AOC2: variants seen among roughly 807,000 people sequenced by gnomAD.
The protein encoded by AOC2 is amine oxidase [copper-containing] 2.
AOC2 carries 57 observed loss-of-function variants against 53.8 expected under a neutral mutation model. That is an observed-to-expected ratio of 1.06 (90% confidence interval 0.86 to 1.32). The LOEUF is 1.32. Among genes scored for constraint, AOC2 ranks in the 40% most tolerant of loss-of-function variants. The pLI is 0.00. For synonymous variants in AOC2, 404 were observed against 399.0 expected (o/e 1.01, Z -0.15); for missense variants, 1,008 against 957.2 (o/e 1.05, Z -0.70).
Position 42,849,301 on chromosome 17 carries a change from C to A in AOC2, c.1804C>A (p.Gln602Lys). ...GGGTCACCAGCGCGGGTACCGAATC[C>A]AGATCCACAGCCCCCTTGGCATACA... ...AWGHQRGYRIQIHSPLGIHIP... is the reference protein window; with the variant it reads ...AWGHQRGYRIKIHSPLGIHIP... The change falls in exon 2 of 4, where the codon CAG becomes AAG. Residue 602 changes from glutamine (Q) to lysine (K), a missense_variant. By Grantham distance (53) the Gln-to-Lys change is moderately conservative. Coordinates refer to ENST00000253799, the MANE Select transcript of AOC2 (RefSeq NM_009590.4). 1 of 1,614,220 alleles carries A rather than the reference C, an allele frequency of 6.2e-7. No homozygotes were observed. Among genetic ancestry groups the A allele is most frequent in the Non-Finnish European group, 8.5e-7 (1 of 1,180,028 alleles).
rs1298715447 is a variant in AOC2 at position 42,849,023 on chromosome 17, C to G, written c.1589-63C>G. On this transcript the variant is annotated intron_variant, in intron 1 of 3. Transcript: ENST00000253799. ...AGTGCAGTGGACATCATGGGGAAGA[C>G]AGGGACCTGGCCCAGAGACCTTACC... 11 of 1,504,298 alleles carry G rather than the reference C, an allele frequency of 7.3e-6. No individual in the cohort carries two copies. In the Admixed American group the frequency reaches 2.2e-4, roughly 30 times the overall value. The allele number at this position is 1,504,298 out of a possible 1,614,324, so 93.2% of individuals were successfully genotyped here. A position where few individuals can be genotyped will look rare whatever the true frequency, so the allele number is the denominator to read the frequency against.
chr17:42,845,116 C>A lies in AOC2; in HGVS notation c.490C>A (p.Arg164Ser), dbSNP rs939933467. ...TCACGGCGGGCCCCTGCCCTATCAC[C>A]GTCGCCCGGTGCTGAGAGCTGAGTT... Reference protein sequence around the residue: ...ERHGGPLPYHRRPVLRAEFTQ... With the variant: ...ERHGGPLPYHSRPVLRAEFTQ... The change falls in exon 1 of 4, where the codon CGT becomes AGT. Residue 164 changes from arginine to serine, a missense_variant. Arg to Ser is a moderately radical substitution (Grantham distance 110). Coordinates refer to ENST00000253799, the MANE Select transcript of AOC2 (RefSeq NM_009590.4). The A allele has an allele frequency of 6.2e-7, 1 of 1,613,682 alleles. No individual in the cohort carries two copies. Among genetic ancestry groups the A allele is most frequent in the Non-Finnish European group, 8.5e-7 (1 of 1,180,030 alleles).
intron 1 of AOC2, among the ~76,000 whole-genome samples, chr17:42,847,741 C>G (rs550714454): frequency 1.7e-3 from 265 of 151,846 alleles, no homozygotes; most frequent in African/African-American, 6.1e-3. Context: ...GCCTCAGCCT[C>G]CTTAGTAGCT....
In AOC2 at chr17:42,845,438, T is replaced by G. The variant is rs780244268; in HGVS notation, c.812T>G (p.Leu271Trp). The part of the protein sequence containing the change: ...LGHYYADLGQ[L>W]EREFKSGRLE... ...CACTACTATGCAGACTTGGGCCAGT[T>G]GGAACGGGAGTTTAAGTCTGGCCGG... The change falls in exon 1 of 4, where the codon TTG becomes TGG. Residue 271 changes from leucine to tryptophan, a missense_variant. Physicochemically the swap from Leu to Trp is moderately conservative, Grantham distance 61. Transcript: ENST00000253799. 7.4e-6 allele frequency: 12 copies of G among 1,614,170 alleles called. No individual in the cohort carries two copies. The East Asian group carries it at 2.5e-4, about 33-fold the overall frequency.
Position 42,845,444 on chromosome 17 carries a change from G to C in AOC2, c.818G>C (p.Arg273Pro). Residue 273 changes from arginine to proline, a missense_variant, in exon 1 of 4, where the codon CGG becomes CCG. Transcript: ENST00000253799. ...HYYADLGQLE[R>P]EFKSGRLEVV... ...TATGCAGACTTGGGCCAGTTGGAAC[G>C]GGAGTTTAAGTCTGGCCGGTTGGAA... The C allele has an allele frequency of 6.2e-7, 1 of 1,614,146 alleles. No individual in the cohort carries two copies. The highest frequency in any genetic ancestry group is 8.5e-7 in the Non-Finnish European group (1 of 1,180,032).
intron 1 of AOC2, 83 bp downstream of exon 1, chr17:42,846,297 A>AG (rs751217603): frequency 3.0e-5 from 43 of 1,433,514 alleles, no homozygotes; most frequent in Non-Finnish European, 3.8e-5. Flanking sequence ...TCCCAGGTCA[A>AG]GCTGAAATAA....
Position 42,844,744 on chromosome 17 carries a change from G to C in AOC2, c.118G>C (p.Val40Leu), listed in dbSNP as rs1458705447. Residue 40 changes from valine to leucine, a missense_variant, in exon 1 of 4, where the codon GTA becomes CTA. By Grantham distance (32) the Val-to-Leu change is conservative (BLOSUM62 1). Coordinates refer to ENST00000253799, the MANE Select transcript of AOC2 (RefSeq NM_009590.4). ...CAGCCAGCCTCCCCACTGCCCCTCT[G>C]TATCCCATAGGGCCCAGCCCTGGCC... ...GSSQPPHCPS[V>L]SHRAQPWPHP... 3 of 1,614,082 alleles carry C rather than the reference G, an allele frequency of 1.9e-6. No individual in the cohort carries two copies. In the African/African-American group the frequency reaches 4.0e-5, roughly 22 times the overall value.
Position 42,845,563 on chromosome 17 carries a change from C to T in AOC2, c.937C>T (p.Gln313Ter). The T allele has an allele frequency of 6.2e-7, 1 of 1,614,204 alleles. No individual in the cohort carries two copies. The change falls in exon 1 of 4, where the codon CAG (glutamine) becomes TAG (stop). Residue 313 changes from glutamine (Q) to a stop codon, truncating the protein, a stop_gained. Transcript: ENST00000253799. LOFTEE classifies it high-confidence loss of function. ...TCTTCCCCCTCTTCAGTTCTCGCCC[C>T]AGGGTTCCCAGTACAGTGTGCAAGG... ...GPLPPLQFSP[Q>*]GSQYSVQGNL...
intron 1 of AOC2, among the ~76,000 whole-genome samples, chr17:42,846,466 A>G (rs1169841038): frequency 3.9e-5 from 6 of 152,190 alleles, no homozygotes; most frequent in Non-Finnish European, 4.4e-5. Context: ...ACTTGCTATG[A>G]TTGTGAAACT....
In AOC2 at chr17:42,849,653, A is replaced by G. The variant is rs147322730; in HGVS notation, c.1927A>G (p.Ile643Val). 2.4e-5 allele frequency: 38 copies of G among 1,614,120 alleles called. No homozygotes were observed. Among genetic ancestry groups the G allele is most frequent in the Non-Finnish European group, 3.1e-5 (36 of 1,180,050 alleles). Residue 643 changes from isoleucine to valine, a missense_variant, in exon 3 of 4, where the codon ATC (isoleucine) becomes GTC (valine). Coordinates refer to ENST00000253799, the MANE Select transcript of AOC2 (RefSeq NM_009590.4). ...GGAGGAGGAGTCACAGAGCAGTAGC[A>G]TCTATCACCAGAATGACATCTGGAC... The part of the protein sequence containing the change: ...RKEEESQSSS[I>V]YHQNDIWTPT...
chr17:42,848,546 C>CACGTATATATATATATATATATACGT (rs1555552834), intron 1 of AOC2, among the ~76,000 whole-genome samples: 1 of 117,694 alleles, frequency 8.5e-6, no homozygotes, highest in African/African-American at 3.9e-5. Context: ...TATATATATA[C>CACGTATATATATATATATATATACGT]ATATATATAT....
In AOC2 at chr17:42,850,386, T is replaced by C. The variant is rs756672081; in HGVS notation, c.*38T>C. On this transcript the variant is annotated 3_prime_UTR_variant, in exon 4 of 4. Coordinates refer to ENST00000253799, the MANE Select transcript of AOC2 (RefSeq NM_009590.4). Reference sequence around the variant, plus strand: ...GGCGGGCGGCGTGGTTAGGCACATGTACTTTTCCCTGTTTCTACTTTCTAT... The same window carrying C: ...GGCGGGCGGCGTGGTTAGGCACATGCACTTTTCCCTGTTTCTACTTTCTAT... 2.0e-6 allele frequency: 3 copies of C among 1,533,956 alleles called. No individual in the cohort carries two copies. The South Asian group carries it at 3.7e-5, about 19-fold the overall frequency.
chr17:42,845,679 G>A lies in AOC2; in HGVS notation c.1053G>A (p.Glu351=). The A allele has an allele frequency of 1.2e-6, 2 of 1,614,234 alleles. No homozygotes were observed. The highest frequency in any genetic ancestry group is 1.7e-6 in the Non-Finnish European group (2 of 1,180,042). The change falls in exon 1 of 4, where the codon GAG becomes GAA. Residue 351 remains glutamate, a synonymous_variant. Transcript: ENST00000253799. ...TTTTTGATGTTCGGTTCCAGGGTGA[G>A]CGAATAGCCTATGAAGTCAGTGTCC... The part of the protein sequence containing the change: ...LRIFDVRFQG[E]RIAYEVSVQE...
chr17:42,850,178 C>G lies in AOC2; in HGVS notation c.2101C>G (p.Leu701Val), dbSNP rs141025432. 117 of 1,614,180 alleles carry G rather than the reference C, an allele frequency of 7.2e-5. No homozygotes were observed. In the African/African-American group the frequency reaches 1.4e-3, roughly 20 times the overall value. ...VTLGNRVGFL[L>V]RPYNFFDEDP... ...TCTGGGGAACAGAGTTGGCTTCTTG[C>G]TCCGACCCTATAACTTCTTTGATGA... The change falls in exon 4 of 4, where the codon CTC becomes GTC. Residue 701 changes from leucine to valine, a missense_variant. By Grantham distance (32) the Leu-to-Val change is conservative. Transcript: ENST00000253799.
chr17:42,850,313 C>G lies in AOC2; in HGVS notation c.2236C>G (p.Pro746Ala). ...ACLPDLAACV[P>A]DLPPFSYHGF ...CCTCCCCGACCTGGCAGCCTGTGTC[C>G]CGGACTTACCCCCTTTCTCTTACCA... Residue 746 changes from proline (P) to alanine (A), a missense_variant, in exon 4 of 4, where the codon CCG becomes GCG. By Grantham distance (27) the Pro-to-Ala change is conservative (BLOSUM62 -1). Transcript: ENST00000253799. 1 of 1,608,954 alleles carries G rather than the reference C, an allele frequency of 6.2e-7. No individual in the cohort carries two copies.
Position 42,845,876 on chromosome 17 carries a change from AGCT to A in AOC2, c.1254_1256del (p.Leu419del). The A allele has an allele frequency of 6.2e-7, 1 of 1,614,156 alleles. No individual in the cohort carries two copies. The highest frequency in any genetic ancestry group is 8.5e-7 in the Non-Finnish European group (1 of 1,180,012). ...ATATTAGTGGGCAAAGGGGCAGTCC[AGCT>A]GCTTCCAGGGGCTGTGTGTGTATTT... is the stretch of plus-strand genomic sequence containing the variant. On this transcript the variant is annotated inframe_deletion, in exon 1 of 4. Coordinates refer to ENST00000253799, the MANE Select transcript of AOC2 (RefSeq NM_009590.4).
intron 1 of AOC2, 41 bp from the exon 2 acceptor site, chr17:42,849,045 T>TA: frequency 6.4e-7 from 1 of 1,571,798 alleles, no homozygotes. Flanking sequence ...CCAGAGACCT[T>TA]ACCTGGTGTG....
In AOC2 at chr17:42,849,141, C is replaced by G. The variant is rs745786817; in HGVS notation, c.1644C>G (p.Pro548=). The change falls in exon 2 of 4, where the codon CCC becomes CCG. Residue 548 remains proline, a synonymous_variant. Coordinates refer to ENST00000253799, the MANE Select transcript of AOC2 (RefSeq NM_009590.4). ...EDVVFKPVAA[P]WNPEHWLQRP... The stretch of plus-strand genomic sequence containing the variant: ...TGGTGTTTAAACCTGTGGCTGCCCC[C>G]TGGAACCCGGAGCACTGGCTACAGC... 1.2e-6 allele frequency: 2 copies of G among 1,614,168 alleles called. No homozygotes were observed. Among genetic ancestry groups the G allele is most frequent in the Non-Finnish European group, 1.7e-6 (2 of 1,180,016 alleles).
Position 42,850,003 on chromosome 17 carries a change from T to A in AOC2, c.2005-79T>A, listed in dbSNP as rs2055637713. 3 of 1,546,192 alleles carry A rather than the reference T, an allele frequency of 1.9e-6. No individual in the cohort carries two copies. The South Asian group carries it at 3.7e-5, about 19-fold the overall frequency. ...GGGAGAGTGGAAGCCAGGCTGAGAC[T>A]GGAGGCTGGGATTGTGACTGAAGGG... On this transcript the variant is annotated intron_variant, in intron 3 of 3. Coordinates refer to ENST00000253799, the MANE Select transcript of AOC2 (RefSeq NM_009590.4).
Sources: allele counts gnomAD v4.1 joint callset (sites outside exome capture counted in the v4.1 genomes callset), GRCh38; gene constraint gnomAD v4.1.1; transcripts MANE v1.5; gene names NCBI Gene and HGNC (gene_info 2026-07-23, HGNC 2026-07-21).